HS2ST1: variants seen among roughly 807,000 people sequenced by gnomAD.
HS2ST1 encodes the protein heparan sulfate 2-O-sulfotransferase 1, also known as 2-O-sulfotransferase.
In HS2ST1, 18 loss-of-function variants were observed where a neutral mutation model predicts 42.9. The observed-to-expected ratio is 0.42, with a 90% CI of 0.29 to 0.62. HS2ST1 has a LOEUF of 0.62. HS2ST1 is among the 20% of genes least tolerant of loss of function. HS2ST1 has a pLI of 0.21. For synonymous variants in HS2ST1, 146 were observed against 152.9 expected, an observed-to-expected ratio of 0.95 and a Z score of 0.33; for missense variants, 334 against 433.8, an observed-to-expected ratio of 0.77 and a Z score of 2.04.
At chr1:86,967,667 T>C (rs992501933) in intron 1 of HS2ST1, among the ~76,000 whole-genome samples, 2 of 152,228 alleles carry the variant, frequency 1.3e-5, no homozygotes, top group Non-Finnish European at 1.5e-5. Context: ...CCATGGTGTA[T>C]ATATACCACA....
chr1:87,059,351 T>C (rs1419871387), intron 1 of HS2ST1, among the ~76,000 whole-genome samples: 2 of 152,214 alleles, frequency 1.3e-5, no homozygotes, highest in African/African-American at 4.8e-5. Flanking sequence ...CTCAGTGTAT[T>C]TTCCAGAAGG....
intron 1 of HS2ST1, among the ~76,000 whole-genome samples, chr1:87,026,374 A>G (rs1330694174): frequency 1.3e-5 from 2 of 152,248 alleles, no homozygotes; most frequent in Admixed American, 1.3e-4. Flanking sequence ...TGCAGGCATT[A>G]GGTAAATTAT....
At chr1:87,018,132 C>CCCCACACACACACACACACACA (rs371488632) in intron 1 of HS2ST1, among the ~76,000 whole-genome samples, 1 of 149,240 alleles carries the variant, frequency 6.7e-6, no homozygotes, top group African/African-American at 2.5e-5. Context: ...TAAATAAAAG[C>CCCCACACACACACACACACACA]CACACACACA....
intron 1 of HS2ST1, among the ~76,000 whole-genome samples, chr1:87,015,085 TG>T (rs1176438493): frequency 1.3e-5 from 2 of 152,086 alleles, no homozygotes; most frequent in African/African-American, 2.4e-5. Flanking sequence ...AGTGTCGCTC[TG>T]TCACCAAGCT....
At chr1:86,984,544 G>A (rs576954685) in intron 1 of HS2ST1, among the ~76,000 whole-genome samples, 12 of 152,236 alleles carry the variant, frequency 7.9e-5, no homozygotes, top group African/African-American at 1.4e-4. Context: ...GAGCTTAATC[G>A]TGTTTTCTTA....
chr1:87,065,890 T>C (rs772896483), intron 1 of HS2ST1, among the ~76,000 whole-genome samples: 2 of 152,216 alleles, frequency 1.3e-5, no homozygotes, highest in Non-Finnish European at 2.9e-5. Context: ...TTGTTATCAA[T>C]GTATTTCTTT....
chr1:87,095,666 CTTT>C (rs1570545022), intron 4 of HS2ST1, among the ~76,000 whole-genome samples: 1 of 152,098 alleles, frequency 6.6e-6, no homozygotes, highest in African/African-American at 2.4e-5. Flanking sequence ...GGTTCTCAAA[CTTT>C]TTGATATAGG....
intron 1 of HS2ST1, among the ~76,000 whole-genome samples, chr1:87,065,761 G>A (rs901793704): frequency 6.6e-6 from 1 of 151,982 alleles, no homozygotes. Flanking sequence ...AATCACCTTA[G>A]CTTGTCATTA....
chr1:86,943,776 A>T (rs1397048463), intron 1 of HS2ST1, among the ~76,000 whole-genome samples: 6 of 151,998 alleles, frequency 3.9e-5, no homozygotes, highest in African/African-American at 1.4e-4. Context: ...CTGTAATCCC[A>T]GCACTTTGGG....
chr1:86,976,704 G>GTATATATATATATATATATA lies in HS2ST1; in HGVS notation c.124+61561_124+61562insATATATATATATATATATAT, dbSNP rs147039703. On this transcript the variant is annotated intron_variant, in intron 1 of 6. Transcript: ENST00000370550. The stretch of plus-strand genomic sequence containing the variant: ...AAATCCATCTTTTCTTTATAAAATT[G>GTATATATATATATATATATA]TATATATATATATATATTTTAAATG... Among the ~76,000 whole-genome samples, 581 of 79,656 alleles carry GTATATATATATATATATATA rather than the reference G, an allele frequency of 7.3e-3. 52 individuals carry two copies. Among genetic ancestry groups the GTATATATATATATATATATA allele is most frequent in the Admixed American group, 0.023 (129 of 5,696 alleles). 52.3% of individuals were successfully genotyped at this position (79,656 alleles called of 152,430 possible). A position where few individuals can be genotyped will look rare whatever the true frequency, so the allele number is the denominator to read the frequency against.
intron 1 of HS2ST1, among the ~76,000 whole-genome samples, chr1:86,978,711 T>C (rs191511795): frequency 2.4e-4 from 37 of 152,152 alleles, no homozygotes; most frequent in Admixed American, 1.1e-3. Flanking sequence ...CATATAATAA[T>C]AGAAATGGAA....
chr1:86,969,996 A>G (rs868004045), intron 1 of HS2ST1, among the ~76,000 whole-genome samples: 4 of 152,206 alleles, frequency 2.6e-5, no homozygotes, highest in Non-Finnish European at 5.9e-5. Flanking sequence ...GTGGTGGCAC[A>G]TGCCTGTAAT....
intron 1 of HS2ST1, among the ~76,000 whole-genome samples, chr1:86,917,518 C>CAA (rs5775926): frequency 0.026 from 3,446 of 131,428 alleles, 51 homozygotes; most frequent in South Asian, 0.06. Flanking sequence ...GACTCAGTCT[C>CAA]AAAAAAAAAA....
At chr1:86,974,701 G>C (rs1648341744) in intron 1 of HS2ST1, among the ~76,000 whole-genome samples, 1 of 152,158 alleles carries the variant, frequency 6.6e-6, no homozygotes. Context: ...CAGTCAGTTG[G>C]TGACTGCAGA....
intron 1 of HS2ST1, among the ~76,000 whole-genome samples, chr1:86,970,842 A>T (rs1447015246): frequency 6.6e-6 from 1 of 152,210 alleles, no homozygotes. Context: ...AATCTAGAGG[A>T]CTTAAAATGT....
intron 5 of HS2ST1, among the ~76,000 whole-genome samples, chr1:87,102,134 C>T (rs1018679491): frequency 4.0e-5 from 6 of 151,884 alleles, no homozygotes; most frequent in Non-Finnish European, 5.9e-5. Context: ...CTCGGCTCAC[C>T]GCAAACCTCC....
At chr1:86,963,682 A>G (rs1024657006) in intron 1 of HS2ST1, among the ~76,000 whole-genome samples, 7 of 59,006 alleles carry the variant, frequency 1.2e-4, no homozygotes, top group Non-Finnish European at 2.5e-4. Flanking sequence ...CACCTCCCAG[A>G]CGGGGGTGAC....
At chr1:87,031,817 T>C (rs1372812505) in intron 1 of HS2ST1, among the ~76,000 whole-genome samples, 4 of 152,134 alleles carry the variant, frequency 2.6e-5, no homozygotes, top group Non-Finnish European at 5.9e-5. Context: ...ATTTAGATAA[T>C]GGAAATGGAA....
intron 1 of HS2ST1, among the ~76,000 whole-genome samples, chr1:86,959,868 C>T (rs1647782407): frequency 6.6e-6 from 1 of 152,096 alleles, no homozygotes; most frequent in African/African-American, 2.4e-5. Flanking sequence ...CAAGTTCTTC[C>T]CAACGTGATC....
Sources: allele counts gnomAD v4.1 joint callset (sites outside exome capture counted in the v4.1 genomes callset), GRCh38; gene constraint gnomAD v4.1.1; transcripts MANE v1.5; gene names NCBI Gene and HGNC (gene_info 2026-07-23, HGNC 2026-07-21).